CCDC187: variants seen among roughly 807,000 people sequenced by gnomAD.
CCDC187 encodes coiled-coil domain-containing protein 187.
In CCDC187, 32 loss-of-function variants were observed where a neutral mutation model predicts 38.0. The ratio of observed to expected loss-of-function variants is 0.84; its 90% CI spans 0.64 to 1.13. CCDC187 has a LOEUF of 1.13. CCDC187 is among the 50% of genes most tolerant of loss of function. The probability of loss-of-function intolerance (pLI) is 0.00; values close to 1 mark genes in which losing one functional copy is unlikely to be tolerated. For missense variants in CCDC187, 707 were observed against 786.8 expected (o/e 0.90, Z 1.21); for synonymous variants, 333 against 347.9 (o/e 0.96, Z 0.48).
intron 6 of CCDC187, 74 bp from the exon 7 acceptor site, chr9:136,290,127 C>T (rs1831282309): frequency 2.5e-6 from 1 of 398,300 alleles, no homozygotes; most frequent in Non-Finnish European, 4.4e-6. Flanking sequence ...AGCCTCAGAG[C>T]TAGGCCTTGA....
intron 4 of CCDC187, among the ~76,000 whole-genome samples, chr9:136,293,088 ACACT>A (rs1382659124): frequency 2.6e-5 from 4 of 152,080 alleles, no homozygotes; most frequent in East Asian, 1.9e-4. Context: ...ACATGCTCAC[ACACT>A]CACAAACACT....
At chr9:136,297,880 G>A (rs1831574615) in intron 3 of CCDC187, 59 bp from the exon 4 acceptor site, 2 of 395,752 alleles carry the variant, frequency 5.1e-6, no homozygotes, top group Non-Finnish European at 8.9e-6. Flanking sequence ...AGTGACACAC[G>A]GGCCCCCCAC....
intron 19 of CCDC187, among the ~76,000 whole-genome samples, chr9:136,260,608 T>C (rs1355279782): frequency 1.3e-5 from 2 of 151,366 alleles, no homozygotes; most frequent in African/African-American, 4.9e-5. Context: ...TCTGCCTGGG[T>C]CACACTGCTG....
At chr9:136,256,385 G>T in intron 23 of CCDC187, 62 bp from the exon 24 acceptor site, 1 of 820,322 alleles carries the variant, frequency 1.2e-6, no homozygotes, top group Non-Finnish European at 1.5e-6. Flanking sequence ...TCCACCTCCC[G>T]TAGCTGGATG....
In CCDC187 at chr9:136,254,211, C is replaced by G; in HGVS notation, c.5617G>C (p.Val1873Leu). Residue 1873 changes from valine (V) to leucine (L), a missense_variant, in exon 26 of 26, where the codon GTG becomes CTG. Physicochemically the swap from Val to Leu is conservative, Grantham distance 32. Transcript: ENST00000638797. ...GCAGAAGAGATTTGCAGCGGGAACA[C>G]CACACCGGCGGCCTCAGGGGGTGCC... Reference protein sequence around the residue: ...LQAPPEAAGVVFPLQISSAGD... With the variant: ...LQAPPEAAGVLFPLQISSAGD... 1 of 985,498 alleles carries G rather than the reference C, an allele frequency of 1.0e-6. No individual in the cohort carries two copies. The highest frequency in any genetic ancestry group is 1.2e-6 in the Non-Finnish European group (1 of 829,998). The allele number at this position is 985,498 out of a possible 1,614,324, so 61.0% of individuals were successfully genotyped here.
intron 3 of CCDC187, among the ~76,000 whole-genome samples, chr9:136,298,749 G>A (rs1033850428): frequency 6.6e-6 from 1 of 152,236 alleles, no homozygotes; most frequent in South Asian, 2.1e-4. Context: ...GAGTCACTAG[G>A]CCCATAGAGA....
rs1831298554 is a variant in CCDC187, at chr9:136,290,578, G to A, written c.2035C>T (p.Gln679Ter). The A allele has an allele frequency of 7.5e-6, 3 of 398,830 alleles. No individual in the cohort carries two copies. The highest frequency in any genetic ancestry group is 1.3e-5 in the Non-Finnish European group (3 of 226,328). 24.7% of individuals were successfully genotyped at this position (398,830 alleles called of 1,614,324 possible). Residue 679 changes from glutamine to a stop codon, truncating the protein, a stop_gained, in exon 6 of 26, where the codon CAG becomes TAG. Transcript: ENST00000638797. LOFTEE classifies it high-confidence loss of function. The stretch of plus-strand genomic sequence containing the variant: ...GCCCTGCCGAGGACGGCCTCCCTCT[G>A]CTGCCGGTAGACCTCCTGCAGCCTC... ...SRRLQEVYRQ[Q>*]REAVLGRAVP...
chr9:136,290,465 C>G, intron 6 of CCDC187, 21 bp downstream of exon 6: 1 of 398,480 alleles, frequency 2.5e-6, no homozygotes, highest in Non-Finnish European at 4.4e-6. Flanking sequence ...CGAGTCCCCC[C>G]AACCCAACCC....
intron 4 of CCDC187, among the ~76,000 whole-genome samples, chr9:136,297,419 G>A (rs1831563074): frequency 1.3e-5 from 2 of 152,174 alleles, no homozygotes; most frequent in African/African-American, 4.8e-5. Flanking sequence ...GGTGTTGAGA[G>A]GACAATAGTG....
At chr9:136,304,882 C>A (rs1226433694), upstream of CCDC187, among the ~76,000 whole-genome samples, 1 of 152,200 alleles carries the variant, frequency 6.6e-6, no homozygotes, top group Non-Finnish European at 1.5e-5. Flanking sequence ...GAGGTCTGCG[C>A]GAAAGACCTC....
In CCDC187 at chr9:136,257,943, C is replaced by T. The variant is rs1830633776; in HGVS notation, c.4366+989G>A. Among the ~76,000 whole-genome samples the T allele has an allele frequency of 6.6e-6, 1 of 152,236 alleles. No homozygotes were observed. Among genetic ancestry groups the T allele is most frequent in the South Asian group, 2.1e-4 (1 of 4,834 alleles). On this transcript the variant is annotated intron_variant, in intron 22 of 25. Coordinates refer to ENST00000638797, the MANE Select transcript of CCDC187 (RefSeq NM_001378188.1). The surrounding 1 kb of genome is among the most constrained non-coding windows in gnomAD (Gnocchi z 4.5). ...ATAAGTCAGGCCTCAGGCTCCTCCT[C>T]TGCTGCGTGGGCATAACGAGTGAAT...
At chr9:136,282,527 CG>C (rs1831070342) in intron 9 of CCDC187, among the ~76,000 whole-genome samples, 1 of 152,184 alleles carries the variant, frequency 6.6e-6, no homozygotes, top group African/African-American at 2.4e-5. Context: ...TCTGTGAGCA[CG>C]GCTCACCTCA....
In CCDC187 at chr9:136,301,833, C is replaced by T. The variant is rs937866782; in HGVS notation, c.625+979G>A. Among the ~76,000 whole-genome samples, 5 of 152,114 alleles carry T rather than the reference C, an allele frequency of 3.3e-5. No individual in the cohort carries two copies. In the South Asian group the frequency reaches 1.0e-3, roughly 32 times the overall value. On this transcript the variant is annotated intron_variant, in intron 2 of 25. Transcript: ENST00000638797. ...TCGATCTCCAGACCTCGTGATCTGC[C>T]CGCCTCAGCTTCTCAAAGTGCTGGG...
In CCDC187 at chr9:136,254,503, G is replaced by C. The variant is rs998392750; in HGVS notation, c.5325C>G (p.Thr1775=). 3.0e-6 allele frequency: 3 copies of C among 985,466 alleles called. No homozygotes were observed. Among genetic ancestry groups the C allele is most frequent in the Non-Finnish European group, 3.6e-6 (3 of 829,936 alleles). The allele number at this position is 985,466 out of a possible 1,614,324, so 61.0% of individuals were successfully genotyped here. ...AGCTCCCCGAGGCTGGCTTGGCCCCGGTACAGGGTTCTGGCAGGTCCTCCT... is the reference window on the plus strand; with the variant it reads ...AGCTCCCCGAGGCTGGCTTGGCCCCCGTACAGGGTTCTGGCAGGTCCTCCT... ...DCEEDLPEPC[T]GAKPASGSSL... The change falls in exon 26 of 26, where the codon ACC becomes ACG. Residue 1775 remains threonine, a synonymous_variant. Coordinates refer to ENST00000638797, the MANE Select transcript of CCDC187 (RefSeq NM_001378188.1).
rs1218713453 is a variant in CCDC187 at position 136,274,936 on chromosome 9, G to C, written c.3297C>G (p.Cys1099Trp). The C allele has an allele frequency of 2.0e-5, 3 of 152,426 alleles. No individual in the cohort carries two copies. The highest frequency in any genetic ancestry group is 1.3e-4 in the Admixed American group (2 of 15,292). The allele number at this position is 152,426 out of a possible 1,614,324, so 9.4% of individuals were successfully genotyped here. Reference protein sequence around the residue: ...EALKLEQPPMCKDREPTTASQ... With the variant: ...EALKLEQPPMWKDREPTTASQ... The stretch of plus-strand genomic sequence containing the variant: ...AGGCTGTGGTCGGCTCTCGGTCCTT[G>C]CACATCGGAGGCTGCTCCAGCTTCA... Residue 1099 changes from cysteine to tryptophan, a missense_variant, in exon 13 of 26, where the codon TGC becomes TGG. Cys to Trp is a radical substitution (Grantham distance 215, BLOSUM62 -2). Coordinates refer to ENST00000638797, the MANE Select transcript of CCDC187 (RefSeq NM_001378188.1).
At chr9:136,261,992 G>A (rs1170130311) in intron 19 of CCDC187, among the ~76,000 whole-genome samples, 4 of 152,222 alleles carry the variant, frequency 2.6e-5, no homozygotes, top group African/African-American at 4.8e-5. Flanking sequence ...CCAGGCTCTC[G>A]GGCAGGTGAC....
chr9:136,272,640 T>C (rs1174982258), intron 14 of CCDC187, among the ~76,000 whole-genome samples: 4 of 150,986 alleles, frequency 2.6e-5, no homozygotes, highest in Non-Finnish European at 5.9e-5. Context: ...AAGGTGGAGG[T>C]TGCAGTGAGC....
chr9:136,285,269 G>T (rs1831147324), intron 9 of CCDC187, among the ~76,000 whole-genome samples: 1 of 152,174 alleles, frequency 6.6e-6, no homozygotes, highest in Non-Finnish European at 1.5e-5. Flanking sequence ...AGCCAGTTCA[G>T]GGGGCATTCG....
intron 2 of CCDC187, among the ~76,000 whole-genome samples, chr9:136,300,804 T>C (rs1005276105): frequency 6.6e-6 from 1 of 152,228 alleles, no homozygotes; most frequent in Non-Finnish European, 1.5e-5. Context: ...TTCACCCATG[T>C]TGGCCAGGCT....
Sources: gnomAD v4.1 joint callset for allele counts (sites outside exome capture counted in the v4.1 genomes callset) on GRCh38, gnomAD v4.1.1 for gene constraint, Gnocchi (gnomAD v3.1) non-coding constraint, MANE v1.5 for transcripts, NCBI Gene and HGNC (gene_info 2026-07-23, HGNC 2026-07-21) for gene names.